The following DPYSL3 variants were observed in gnomAD, a reference collection of about 807,000 sequenced individuals.
The protein encoded by DPYSL3 is dihydropyrimidinase like 3, also known as dihydropyrimidinase-related protein 3.
A neutral mutation model predicts 66.1 loss-of-function variants in DPYSL3; 16 were observed. That is an observed-to-expected ratio of 0.24 (90% confidence interval 0.16 to 0.37). The LOEUF is 0.37. Among genes scored for constraint, DPYSL3 ranks in the 10% least tolerant of loss-of-function variants. DPYSL3 has a pLI of 1.00. For missense variants in DPYSL3, 738 were observed against 916.2 expected (o/e 0.81, Z 2.51); for synonymous variants, 338 against 345.1 (o/e 0.98, Z 0.23).
chr5:147,453,525 G>A, intron 1 of DPYSL3: 4 of 1,523,080 alleles, frequency 2.6e-6, no homozygotes, highest in Non-Finnish European at 2.6e-6. Context: ...CGAGGAGGGA[G>A]GGAGCAGCGG....
At chr5:147,466,184 G>C (rs903025754) in intron 1 of DPYSL3, among the ~76,000 whole-genome samples, 1 of 152,128 alleles carries the variant, frequency 6.6e-6, no homozygotes, top group Non-Finnish European at 1.5e-5. Flanking sequence ...TCTCCAATTA[G>C]CCATAATGTC....
intron 6 of DPYSL3, among the ~76,000 whole-genome samples, chr5:147,409,877 A>G (rs2152020088): frequency 6.6e-6 from 1 of 152,328 alleles, no homozygotes; most frequent in South Asian, 2.1e-4. Context: ...GATTCTTACC[A>G]CCTGGAAAAG....
In DPYSL3 at chr5:147,395,632, G is replaced by A; in HGVS notation, c.1893C>T (p.Gly631=). The change falls in exon 13 of 14, where the codon GGC becomes GGT. Residue 631 remains glycine, a synonymous_variant. Coordinates refer to ENST00000343218, the MANE Select transcript of DPYSL3 (RefSeq NM_001197294.2). ...TTTPKGGTPA[G]SARGSPTRPN... ...GCCGAGTAGGAGAGCCCCGAGCAGA[G>A]CCTGCGGGGGTGCCACCTTTGGGGG... The A allele has an allele frequency of 1.9e-6, 3 of 1,614,134 alleles. No homozygotes were observed. Among genetic ancestry groups the A allele is most frequent in the Non-Finnish European group, 2.5e-6 (3 of 1,180,046 alleles).
intron 1 of DPYSL3, among the ~76,000 whole-genome samples, chr5:147,503,880 C>T (rs1753649250): frequency 6.6e-6 from 1 of 152,158 alleles, no homozygotes; most frequent in Admixed American, 6.6e-5. Context: ...ATACTTTATC[C>T]ACTTTGATTT....
chr5:147,505,013 C>T (rs910104590), intron 1 of DPYSL3, among the ~76,000 whole-genome samples: 1 of 152,148 alleles, frequency 6.6e-6, no homozygotes, highest in Non-Finnish European at 1.5e-5. Flanking sequence ...ATACTTTTCA[C>T]TTAGAATTGC....
chr5:147,461,284 C>G (rs1752927350), intron 1 of DPYSL3, among the ~76,000 whole-genome samples: 1 of 152,188 alleles, frequency 6.6e-6, no homozygotes, highest in Non-Finnish European at 1.5e-5. Context: ...CTCATGCCTT[C>G]TGCAATGGCA....
chr5:147,482,491 G>A (rs1236446767), intron 1 of DPYSL3, among the ~76,000 whole-genome samples: 1 of 152,186 alleles, frequency 6.6e-6, no homozygotes, highest in Admixed American at 6.5e-5. Context: ...GTGGAGCTCA[G>A]TGCCAATATT....
chr5:147,480,285 G>C (rs1352527629), intron 1 of DPYSL3, among the ~76,000 whole-genome samples: 2 of 152,170 alleles, frequency 1.3e-5, no homozygotes, highest in Non-Finnish European at 2.9e-5. Flanking sequence ...GGAGCAGTCA[G>C]GTAGAGATCC....
At position 147,393,753 on chromosome 5, in the gene DPYSL3, T is replaced by C. The variant is rs1472183520; in HGVS notation, c.*282A>G. 13 of 425,188 alleles carry C rather than the reference T, an allele frequency of 3.1e-5. No individual in the cohort carries two copies. Among genetic ancestry groups the C allele is most frequent in the Non-Finnish European group, 4.4e-5 (10 of 229,510 alleles). 26.3% of individuals were successfully genotyped at this position (425,188 alleles called of 1,614,324 possible). ...AGCACTACACACGCTCTCAACACTATGATAGAGCAGACTCTTTTACCTTAG... is the reference window on the plus strand; with the variant it reads ...AGCACTACACACGCTCTCAACACTACGATAGAGCAGACTCTTTTACCTTAG... On this transcript the variant is annotated 3_prime_UTR_variant, in exon 14 of 14. Coordinates refer to ENST00000343218, the MANE Select transcript of DPYSL3 (RefSeq NM_001197294.2).
rs557756183 is a variant in DPYSL3 at position 147,462,897 on chromosome 5, GAA to G, written c.382-37936_382-37935del. On this transcript the variant is annotated intron_variant, in intron 1 of 13. Transcript: ENST00000343218. ...GGAACCAGAAAATTACACACTATCT[GAA>G]AAAGAGTTCCTTTTGGACCCTGGTA... Among the ~76,000 whole-genome samples, 26 of 152,212 alleles carry G rather than the reference GAA, an allele frequency of 1.7e-4. No homozygotes were observed. The East Asian group carries it at 4.8e-3, about 28-fold the overall frequency.
In DPYSL3 at chr5:147,504,360, G is replaced by A. The variant is rs149745726; in HGVS notation, c.381+5118C>T. On this transcript the variant is annotated intron_variant, in intron 1 of 13. Coordinates refer to ENST00000343218, the MANE Select transcript of DPYSL3 (RefSeq NM_001197294.2). ...ATGCCTACTGTCAAACTAAACCAAA[G>A]TTCTGAAAGGTCACAAACACTTCCA... Among the ~76,000 whole-genome samples, 118 of 152,314 alleles carry A rather than the reference G, an allele frequency of 7.7e-4. 1 individual carries two copies. The highest frequency in any genetic ancestry group is 2.7e-3 in the African/African-American group (113 of 41,570).
intron 1 of DPYSL3, among the ~76,000 whole-genome samples, chr5:147,488,777 G>A (rs1190553331): frequency 6.6e-6 from 1 of 152,116 alleles, no homozygotes; most frequent in Non-Finnish European, 1.5e-5. Flanking sequence ...CACTTTGGGA[G>A]GCCAAGGTGT....
intron 1 of DPYSL3, among the ~76,000 whole-genome samples, chr5:147,475,711 T>C (rs1406468793): frequency 6.6e-6 from 1 of 152,066 alleles, no homozygotes; most frequent in African/African-American, 2.4e-5. Flanking sequence ...ATCAAAGTAA[T>C]TACAAACTAT....
At chr5:147,456,493 C>T (rs540417557) in intron 1 of DPYSL3, among the ~76,000 whole-genome samples, 2 of 151,720 alleles carry the variant, frequency 1.3e-5, no homozygotes, top group Non-Finnish European at 2.9e-5. Context: ...GTTGCTCAGG[C>T]GAAAGGTTTG....
chr5:147,413,754 G>T, intron 4 of DPYSL3, 97 bp from the exon 5 acceptor site: 1 of 963,206 alleles, frequency 1.0e-6, no homozygotes, highest in Non-Finnish European at 1.6e-6. Context: ...ATAGCACCCA[G>T]CTGCATTACC....
chr5:147,488,027 G>GT (rs556018833), intron 1 of DPYSL3, among the ~76,000 whole-genome samples: 2 of 152,096 alleles, frequency 1.3e-5, no homozygotes, highest in Admixed American at 6.5e-5. Context: ...TTCACTAACT[G>GT]TTTTTTTCCT....
intron 1 of DPYSL3, among the ~76,000 whole-genome samples, chr5:147,478,469 A>C (rs548796206): frequency 6.6e-6 from 1 of 152,224 alleles, no homozygotes; most frequent in African/African-American, 2.4e-5. Context: ...GAAGGCAGCC[A>C]AGAGAGTCCA....
At chr5:147,491,655 T>C (rs1355420896) in intron 1 of DPYSL3, among the ~76,000 whole-genome samples, 1 of 152,062 alleles carries the variant, frequency 6.6e-6, no homozygotes, top group Non-Finnish European at 1.5e-5. Flanking sequence ...GACGAATGCT[T>C]TTGGTAGGCT....
intron 2 of DPYSL3, among the ~76,000 whole-genome samples, chr5:147,419,645 A>G (rs1752042216): frequency 1.3e-5 from 2 of 152,158 alleles, no homozygotes. Context: ...CATTGCATGA[A>G]TATTTTCCCC....
Sources: allele counts gnomAD v4.1 joint callset (sites outside exome capture counted in the v4.1 genomes callset), GRCh38; gene constraint gnomAD v4.1.1; transcripts MANE v1.5; gene names NCBI Gene and HGNC (gene_info 2026-07-23, HGNC 2026-07-21).